Variants in KIF16B observed in about 807,000 individuals in gnomAD.
KIF16B encodes kinesin family member 16B.
Under a neutral mutation model 156.3 loss-of-function variants are expected in KIF16B, and 98 were observed. The observed-to-expected ratio is 0.63, with a 90% CI of 0.53 to 0.74. The LOEUF (loss-of-function observed/expected upper bound fraction) is 0.74. KIF16B is among the 30% of genes least tolerant of loss of function. The probability of loss-of-function intolerance (pLI) is 0.00; values close to 1 mark genes in which losing one functional copy is unlikely to be tolerated. For synonymous variants in KIF16B, 564 were observed against 583.7 expected (o/e 0.97, Z 0.49); for missense variants, 1,421 against 1,606.5 (o/e 0.88, Z 1.97).
chr20:16,474,818 A>T (rs1600492371), intron 12 of KIF16B, among the ~76,000 whole-genome samples: 1 of 152,336 alleles, frequency 6.6e-6, no homozygotes. Context: ...AGGGAAAAAC[A>T]GAGACAACTT....
intron 22 of KIF16B, among the ~76,000 whole-genome samples, chr20:16,357,771 T>C (rs2064472413): frequency 6.6e-6 from 1 of 152,254 alleles, no homozygotes; most frequent in Non-Finnish European, 1.5e-5. Context: ...TGTGTGCATT[T>C]TGGCATGAAG....
chr20:16,427,174 C>T lies in KIF16B; in HGVS notation c.1542G>A (p.Leu514=), dbSNP rs1407493639. ...IFENIGGTVT[L]IPLSGSQCSV... is the part of the protein sequence containing the mutation. The stretch of plus-strand genomic sequence containing the variant: ...AGCACTGGGACCCACTCAGGGGTAT[C>T]AGAGTCACTGTCCCCCCGATATTTT... Residue 514 remains leucine, a synonymous_variant, in exon 15 of 26, where the codon CTG becomes CTA. Transcript: ENST00000354981. The T allele has an allele frequency of 3.1e-6, 5 of 1,612,948 alleles. No homozygotes were observed. Among genetic ancestry groups the T allele is most frequent in the Non-Finnish European group, 4.2e-6 (5 of 1,179,206 alleles).
chr20:16,557,648 A>C (rs936889515), intron 1 of KIF16B, among the ~76,000 whole-genome samples: 1 of 152,234 alleles, frequency 6.6e-6, no homozygotes, highest in Non-Finnish European at 1.5e-5. Flanking sequence ...TGGCAGACTC[A>C]GAATGCAAAC....
intron 25 of KIF16B, among the ~76,000 whole-genome samples, chr20:16,280,841 C>CGCGT (rs112026824): frequency 1.3e-5 from 1 of 74,434 alleles, no homozygotes; most frequent in African/African-American, 5.0e-5. Context: ...TGCGCGCGCA[C>CGCGT]GTGTGTGTGT....
At chr20:16,284,452 C>T (rs1033159789) in intron 25 of KIF16B, among the ~76,000 whole-genome samples, 5 of 152,178 alleles carry the variant, frequency 3.3e-5, no homozygotes, top group East Asian at 1.9e-4. Flanking sequence ...ATGTATGTCC[C>T]GGATTGCAAT....
intron 19 of KIF16B, 48 bp downstream of exon 19, chr20:16,378,757 A>T: frequency 6.7e-7 from 1 of 1,494,550 alleles, no homozygotes; most frequent in Non-Finnish European, 9.0e-7. Context: ...AAAAATGAGC[A>T]CTCATTTGGC....
intron 12 of KIF16B, among the ~76,000 whole-genome samples, chr20:16,437,957 A>G (rs1477275557): frequency 1.3e-5 from 2 of 150,160 alleles, no homozygotes; most frequent in Non-Finnish European, 3.0e-5. Context: ...ACAGGGTGAA[A>G]CCCCATCTCT....
intron 1 of KIF16B, among the ~76,000 whole-genome samples, chr20:16,542,585 A>C (rs537585427): frequency 6.6e-6 from 1 of 152,258 alleles, no homozygotes; most frequent in Non-Finnish European, 1.5e-5. Flanking sequence ...AAACACCTGA[A>C]CGGGGCCAGG....
chr20:16,327,343 A>T (rs763775835), intron 24 of KIF16B, among the ~76,000 whole-genome samples: 11 of 152,030 alleles, frequency 7.2e-5, no homozygotes, highest in Non-Finnish European at 1.6e-4. Context: ...GGTACAGTTT[A>T]CACTGCTCAA....
At chr20:16,319,891 C>T (rs988593417) in intron 24 of KIF16B, among the ~76,000 whole-genome samples, 3 of 152,180 alleles carry the variant, frequency 2.0e-5, no homozygotes. Context: ...ACAAGGCTCG[C>T]TCTTAAGAGA....
chr20:16,348,943 A>G (rs1293172762), intron 23 of KIF16B, among the ~76,000 whole-genome samples: 5 of 152,210 alleles, frequency 3.3e-5, no homozygotes, highest in African/African-American at 9.7e-5. Context: ...CTGGGATGAC[A>G]GCTAAGTCTC....
chr20:16,330,898 C>T (rs1324734858), intron 24 of KIF16B, among the ~76,000 whole-genome samples: 1 of 152,228 alleles, frequency 6.6e-6, no homozygotes, highest in Non-Finnish European at 1.5e-5. Context: ...GTGGTTCTCA[C>T]ACATGCCCAT....
chr20:16,312,183 T>C, intron 25 of KIF16B, 152 bp downstream of exon 25: 1 of 583,412 alleles, frequency 1.7e-6, no homozygotes, highest in Admixed American at 3.2e-5. Flanking sequence ...TGATATCATA[T>C]CTTCATAATC....
intron 2 of KIF16B, 70 bp from the exon 3 acceptor site, chr20:16,526,275 T>G: frequency 1.4e-6 from 1 of 735,440 alleles, no homozygotes; most frequent in Non-Finnish European, 2.2e-6. Context: ...ATTTCCATGT[T>G]TATACCCTGA....
chr20:16,435,517 T>C (rs903139178), intron 12 of KIF16B, among the ~76,000 whole-genome samples: 7 of 152,234 alleles, frequency 4.6e-5, no homozygotes, highest in Admixed American at 4.6e-4. Flanking sequence ...CTCTACTCTA[T>C]ATTTTCCTGG....
intron 17 of KIF16B, among the ~76,000 whole-genome samples, chr20:16,391,273 G>A (rs1044659670): frequency 2.0e-5 from 3 of 152,102 alleles, no homozygotes; most frequent in Non-Finnish European, 4.4e-5. Flanking sequence ...ACTCTCGAGG[G>A]CACCTTCCTG....
At chr20:16,572,404 A>G (rs2122243418) in intron 1 of KIF16B, among the ~76,000 whole-genome samples, 1 of 152,358 alleles carries the variant, frequency 6.6e-6, no homozygotes, top group Admixed American at 6.5e-5. Context: ...ATAAAATCAA[A>G]TGGCTCTGTG....
intron 1 of KIF16B, among the ~76,000 whole-genome samples, chr20:16,572,137 T>G (rs1177094400): frequency 6.6e-6 from 1 of 152,136 alleles, no homozygotes; most frequent in Non-Finnish European, 1.5e-5. Flanking sequence ...TAGAAATAAC[T>G]CAAAAGTCAC....
intron 12 of KIF16B, among the ~76,000 whole-genome samples, chr20:16,445,273 C>A (rs1002562366): frequency 3.3e-5 from 5 of 151,980 alleles, no homozygotes; most frequent in African/African-American, 1.2e-4. Flanking sequence ...CATTTTTCCC[C>A]AAAGAAATCT....
Sources: allele counts gnomAD v4.1 joint callset (sites outside exome capture counted in the v4.1 genomes callset), GRCh38; gene constraint gnomAD v4.1.1; transcripts MANE v1.5; gene names NCBI Gene and HGNC (gene_info 2026-07-23, HGNC 2026-07-21).